CDC42BPA: variants seen among roughly 807,000 people sequenced by gnomAD.
The protein encoded by CDC42BPA is serine/threonine-protein kinase MRCK alpha.
In CDC42BPA, 80 loss-of-function variants were observed where a neutral mutation model predicts 223.5. The observed-to-expected ratio is 0.36, with a 90% CI of 0.30 to 0.43. CDC42BPA has a LOEUF of 0.43. Ranked by LOEUF, CDC42BPA falls within the 20% of genes least tolerant of loss-of-function variation. CDC42BPA has a pLI of 1.00. For missense variants in CDC42BPA, 1,743 were observed against 2,099.9 expected, an observed-to-expected ratio of 0.83 and a Z score of 3.32; for synonymous variants, 694 against 718.6, an observed-to-expected ratio of 0.97 and a Z score of 0.55.
intron 35 of CDC42BPA, among the ~76,000 whole-genome samples, chr1:227,001,410 G>A (rs1662823377): frequency 6.6e-6 from 1 of 152,186 alleles, no homozygotes; most frequent in Non-Finnish European, 1.5e-5. Context: ...AAGAACGCCA[G>A]GCCAGCTCCA....
intron 30 of CDC42BPA, among the ~76,000 whole-genome samples, chr1:227,028,408 C>T (rs1019324188): frequency 6.6e-6 from 1 of 152,096 alleles, no homozygotes; most frequent in African/African-American, 2.4e-5. Context: ...GTAAAAAATC[C>T]ATCTTAGTGA....
intron 1 of CDC42BPA, among the ~76,000 whole-genome samples, chr1:227,267,005 G>A (rs1182125927): frequency 2.6e-5 from 4 of 152,014 alleles, no homozygotes; most frequent in African/African-American, 7.2e-5. Context: ...GGAAAACATT[G>A]GTTTAAAGTT....
chr1:227,247,065 G>A (rs1184482475), intron 2 of CDC42BPA, among the ~76,000 whole-genome samples: 1 of 151,850 alleles, frequency 6.6e-6, no homozygotes, highest in African/African-American at 2.4e-5. Flanking sequence ...GCCAGGGGTG[G>A]TGGTGGGTGC....
intron 6 of CDC42BPA, among the ~76,000 whole-genome samples, chr1:227,159,121 TTA>T (rs1663367725): frequency 6.6e-6 from 1 of 152,178 alleles, no homozygotes; most frequent in Non-Finnish European, 1.5e-5. Flanking sequence ...TGGTACCAAT[TTA>T]ATCCCTCTAT....
intron 1 of CDC42BPA, among the ~76,000 whole-genome samples, chr1:227,292,214 C>T (rs1689817023): frequency 6.6e-6 from 1 of 152,130 alleles, no homozygotes; most frequent in South Asian, 2.1e-4. Context: ...AACTCCTGAC[C>T]TAGTGATCCG....
chr1:227,274,187 G>A (rs1449214982), intron 1 of CDC42BPA, among the ~76,000 whole-genome samples: 1 of 151,940 alleles, frequency 6.6e-6, no homozygotes, highest in Non-Finnish European at 1.5e-5. Flanking sequence ...AGAGATGCAA[G>A]GAGTGAAGGA....
chr1:227,001,319 C>T (rs1443633714), intron 35 of CDC42BPA, among the ~76,000 whole-genome samples: 1 of 152,134 alleles, frequency 6.6e-6, no homozygotes, highest in Non-Finnish European at 1.5e-5. Context: ...GGTCTTTCCT[C>T]TTATATCTTT....
At chr1:227,034,897 A>G in intron 25 of CDC42BPA, 103 bp from the exon 26 acceptor site, 2 of 1,032,836 alleles carry the variant, frequency 1.9e-6, no homozygotes, top group East Asian at 5.1e-5. Context: ...GATAATGTAC[A>G]CGTTTTATAA....
chr1:227,247,031 T>C (rs897901980), intron 2 of CDC42BPA, among the ~76,000 whole-genome samples: 5 of 151,790 alleles, frequency 3.3e-5, no homozygotes, highest in Non-Finnish European at 7.4e-5. Flanking sequence ...TGAAACCCCA[T>C]CTCTACTAAA....
At chr1:227,020,968 G>C (rs948917811) in intron 32 of CDC42BPA, among the ~76,000 whole-genome samples, 1 of 152,150 alleles carries the variant, frequency 6.6e-6, no homozygotes, top group African/African-American at 2.4e-5. Flanking sequence ...TCAGAGAATA[G>C]AGAGGCCCAA....
intron 2 of CDC42BPA, among the ~76,000 whole-genome samples, chr1:227,230,969 C>T (rs1677812598): frequency 6.6e-6 from 1 of 151,720 alleles, no homozygotes; most frequent in Non-Finnish European, 1.5e-5. Flanking sequence ...TACAGGCACG[C>T]ACCACCAAGC....
At chr1:227,122,043 C>G (rs113482772) in intron 11 of CDC42BPA, among the ~76,000 whole-genome samples, 1 of 151,984 alleles carries the variant, frequency 6.6e-6, no homozygotes, top group Admixed American at 6.6e-5. Context: ...TCAGGTGATC[C>G]GCCCGCCTCA....
At chr1:227,248,540 A>C (rs1055661385) in intron 2 of CDC42BPA, among the ~76,000 whole-genome samples, 5 of 152,348 alleles carry the variant, frequency 3.3e-5, no homozygotes, top group South Asian at 2.1e-4. Context: ...TTAAATACCT[A>C]GGATTTAAAT....
intron 14 of CDC42BPA, among the ~76,000 whole-genome samples, chr1:227,102,333 A>T (rs1240109311): frequency 6.6e-6 from 1 of 152,156 alleles, no homozygotes; most frequent in Admixed American, 6.6e-5. Flanking sequence ...CCAGATCCAG[A>T]TCGTCCAATG....
rs565357959 is a variant in CDC42BPA at position 227,202,075 on chromosome 1, CG to C, written c.355-2424del. ...CTCAGCTCACTGCAACCTCTGCCTC[CG>C]GGTGTGAGCAATTCTCCTGCCTTAG... On this transcript the variant is annotated intron_variant, in intron 3 of 36. Coordinates refer to ENST00000366766, the MANE Select transcript of CDC42BPA (RefSeq NM_001394014.1). 1.4e-4 allele frequency among the ~76,000 whole-genome samples: 21 copies of C among 152,250 alleles called. No individual in the cohort carries two copies. In the East Asian group the frequency reaches 3.9e-3, roughly 28 times the overall value.
At chr1:227,285,743 C>T (rs4306096) in intron 1 of CDC42BPA, among the ~76,000 whole-genome samples, 14,885 of 152,164 alleles carry the variant, frequency 0.098, 1,172 homozygotes, top group East Asian at 0.36. Context: ...CTCTGTCTCA[C>T]GCTAGTGTAA....
intron 4 of CDC42BPA, among the ~76,000 whole-genome samples, chr1:227,196,894 A>G (rs984147408): frequency 2.6e-5 from 4 of 152,210 alleles, no homozygotes; most frequent in Admixed American, 1.3e-4. Context: ...ATTATATTCT[A>G]GTGTTATGTA....
intron 1 of CDC42BPA, among the ~76,000 whole-genome samples, chr1:227,272,254 C>G (rs1279590474): frequency 6.6e-6 from 1 of 152,068 alleles, no homozygotes; most frequent in South Asian, 2.1e-4. Context: ...CTAAAATTAT[C>G]AGTTCCAATA....
chr1:227,042,237 G>A (rs1474381968), intron 23 of CDC42BPA, among the ~76,000 whole-genome samples: 1 of 150,540 alleles, frequency 6.6e-6, no homozygotes, highest in African/African-American at 2.5e-5. Flanking sequence ...ACAACTCTAG[G>A]GTTGACAAAT....
Sources: allele counts gnomAD v4.1 joint callset (sites outside exome capture counted in the v4.1 genomes callset), GRCh38; gene constraint gnomAD v4.1.1; transcripts MANE v1.5; gene names NCBI Gene and HGNC (gene_info 2026-07-23, HGNC 2026-07-21).